The following RIPOR2 variants were observed in gnomAD, a reference collection of about 807,000 sequenced individuals.
The protein encoded by RIPOR2 is rho family-interacting cell polarization regulator 2.
A neutral mutation model predicts 114.5 loss-of-function variants in RIPOR2; 39 were observed. The ratio of observed to expected loss-of-function variants is 0.34; its 90% confidence interval spans 0.26 to 0.44. RIPOR2 has a LOEUF of 0.44. Ranked by LOEUF, RIPOR2 falls within the 20% of genes least tolerant of loss-of-function variation. The pLI is 1.00. For missense variants in RIPOR2, 1,007 were observed against 1,255.1 expected (o/e 0.80, Z 2.99); for synonymous variants, 445 against 484.4 (o/e 0.92, Z 1.07).
At position 24,807,789 on chromosome 6, in the gene RIPOR2, A is replaced by G. The variant is rs896476787; in HGVS notation, c.3044-1316T>C. ...GAAATCATTCCATACTAGTTGGTAA[A>G]TAGTTGCAGCCCTGAGTCCTTTAAG... On this transcript the variant is annotated intron_variant, in intron 21 of 21. Coordinates refer to ENST00000643898, the MANE Select transcript of RIPOR2 (RefSeq NM_001286445.3). Among the ~76,000 whole-genome samples, 9 of 152,136 alleles carry G rather than the reference A, an allele frequency of 5.9e-5. 1 individual carries two copies. Among genetic ancestry groups the G allele is most frequent in the Non-Finnish European group, 8.8e-5 (6 of 68,020 alleles).
At position 24,817,616 on chromosome 6, in the gene RIPOR2, T is replaced by G. The variant is rs1781319223; in HGVS notation, c.2952+926A>C. 8.5e-5 allele frequency among the ~76,000 whole-genome samples: 2 copies of G among 23,660 alleles called. 1 individual carries two copies. The highest frequency in any genetic ancestry group is 7.7e-3 in the South Asian group (2 of 260). 15.5% of individuals were successfully genotyped at this position (23,660 alleles called of 152,430 possible). ...AGTGAGATGAACCCGGTACCTCAGATGGAAATGCAGAAATCACCCGTCTTC... is the reference window on the plus strand; with the variant it reads ...AGTGAGATGAACCCGGTACCTCAGAGGGAAATGCAGAAATCACCCGTCTTC... On this transcript the variant is annotated intron_variant, in intron 20 of 21. Coordinates refer to ENST00000643898, the MANE Select transcript of RIPOR2 (RefSeq NM_001286445.3).
chr6:24,914,100 C>T (rs753919868), intron 1 of RIPOR2, among the ~76,000 whole-genome samples: 18 of 152,010 alleles, frequency 1.2e-4, no homozygotes, highest in Non-Finnish European at 2.1e-4. Context: ...TTTGGGAGGC[C>T]GAGGTGGGTG....
intron 1 of RIPOR2, among the ~76,000 whole-genome samples, chr6:25,012,938 C>G (rs1775831187): frequency 6.6e-6 from 1 of 152,050 alleles, no homozygotes; most frequent in East Asian, 1.9e-4. Flanking sequence ...CAATCCCTGC[C>G]TCCATACGGA....
chr6:24,843,848 G>A (rs1427258826), intron 12 of RIPOR2, among the ~76,000 whole-genome samples: 2 of 151,844 alleles, frequency 1.3e-5, no homozygotes, highest in African/African-American at 2.4e-5. Flanking sequence ...AAAAGAAAAG[G>A]TTGCATGGGG....
chr6:25,015,898 T>TG (rs1280490874), intron 1 of RIPOR2: 1 of 81,388 alleles, frequency 1.2e-5, no homozygotes, highest in African/African-American at 5.5e-5. Flanking sequence ...GTTTTTTGGT[T>TG]TTTTTTTTTT....
At chr6:24,851,763 A>C (rs960855162) in intron 9 of RIPOR2, among the ~76,000 whole-genome samples, 13 of 152,024 alleles carry the variant, frequency 8.6e-5, no homozygotes, top group African/African-American at 2.9e-4. Context: ...AAAAAAAAAA[A>C]ACCTGCTTAC....
chr6:25,033,285 A>G (rs985637409), intron 1 of RIPOR2, among the ~76,000 whole-genome samples: 1 of 152,176 alleles, frequency 6.6e-6, no homozygotes, highest in African/African-American at 2.4e-5. Context: ...AATGGGCTAT[A>G]ATCTATTAAC....
intron 12 of RIPOR2, 93 bp from the exon 13 acceptor site, chr6:24,843,647 C>T: frequency 1.0e-6 from 1 of 962,174 alleles, no homozygotes; most frequent in African/African-American, 1.7e-5. Context: ...AAGGCAATTA[C>T]AATGAAAAAA....
intron 21 of RIPOR2, among the ~76,000 whole-genome samples, 170 bp from the exon 22 acceptor site, chr6:24,806,643 G>T (rs1207579545): frequency 6.6e-6 from 1 of 152,142 alleles, no homozygotes. Context: ...TGTTTTCCAG[G>T]TAATGCTTAG....
intron 1 of RIPOR2, among the ~76,000 whole-genome samples, chr6:24,982,203 C>G (rs1204287441): frequency 6.6e-6 from 1 of 152,088 alleles, no homozygotes; most frequent in Non-Finnish European, 1.5e-5. Context: ...AAATGAAAAC[C>G]AAAAGCATTT....
intron 15 of RIPOR2, 72 bp from the exon 16 acceptor site, chr6:24,832,463 C>T (rs1420014167): frequency 3.6e-6 from 5 of 1,370,844 alleles, no homozygotes; most frequent in Non-Finnish European, 5.1e-6. Context: ...CAGCCTCATC[C>T]TTCCTGAATG....
chr6:24,968,223 T>C (rs1170224688), intron 1 of RIPOR2, among the ~76,000 whole-genome samples: 4 of 152,190 alleles, frequency 2.6e-5, no homozygotes, highest in Non-Finnish European at 4.4e-5. Flanking sequence ...CAATCTTATA[T>C]GCAGTTAACT....
chr6:24,873,629 G>A lies in RIPOR2; in HGVS notation c.344+15C>T. 1 of 1,609,412 alleles carries A rather than the reference G, an allele frequency of 6.2e-7. No homozygotes were observed. Among genetic ancestry groups the A allele is most frequent in the East Asian group, 2.2e-5 (1 of 44,826 alleles). On this transcript the variant is annotated intron_variant, in intron 3 of 21. Transcript: ENST00000643898. ...GGTCTTTCCTTAAAGTACATTATCA[G>A]GTTCAAGTTCTTACTCAAGTCCATT...
upstream of RIPOR2, among the ~76,000 whole-genome samples, chr6:24,938,869 T>A (rs1003023914): frequency 3.3e-5 from 5 of 152,326 alleles, no homozygotes; most frequent in African/African-American, 1.2e-4. Context: ...ATGCATGATG[T>A]GTTAACTAAA....
intron 1 of RIPOR2, among the ~76,000 whole-genome samples, chr6:24,972,061 G>A (rs442135): frequency 0.82 from 124,991 of 151,850 alleles, 54,203 homozygotes; most frequent in East Asian, 0.96. Context: ...TGGTAGGACA[G>A]CTACACAATT....
chr6:24,832,205 C>T, intron 16 of RIPOR2, 51 bp downstream of exon 16: 1 of 1,525,072 alleles, frequency 6.6e-7, no homozygotes, highest in East Asian at 2.5e-5. Context: ...GTGGACTGGG[C>T]TAGTGGTGTC....
chr6:24,871,379 T>C (rs1377442966), intron 4 of RIPOR2, among the ~76,000 whole-genome samples: 1 of 152,188 alleles, frequency 6.6e-6, no homozygotes, highest in East Asian at 1.9e-4. Context: ...TGAGACAGAG[T>C]TTCGCTCTTT....
At chr6:24,931,329 T>C (rs926993692) in intron 1 of RIPOR2, among the ~76,000 whole-genome samples, 2 of 152,190 alleles carry the variant, frequency 1.3e-5, no homozygotes, top group African/African-American at 4.8e-5. Context: ...TGTAGTCTTC[T>C]TGCTCCCTCT....
intron 1 of RIPOR2, among the ~76,000 whole-genome samples, chr6:24,891,191 T>C (rs546015281): frequency 3.3e-5 from 5 of 152,302 alleles, no homozygotes; most frequent in African/African-American, 1.2e-4. Context: ...GTTGAGTGGC[T>C]TCCCAGAGGC....
Sources: gnomAD v4.1 joint callset for allele counts (sites outside exome capture counted in the v4.1 genomes callset) on GRCh38, gnomAD v4.1.1 for gene constraint, MANE v1.5 for transcripts, NCBI Gene and HGNC (gene_info 2026-07-23, HGNC 2026-07-21) for gene names.